ZSCAN29: variants seen among roughly 807,000 people sequenced by gnomAD.
The protein encoded by ZSCAN29 is zinc finger and SCAN domain containing 29, also known as zinc finger and SCAN domain-containing protein 29.
ZSCAN29 carries 55 observed loss-of-function variants against 71.9 expected under a neutral mutation model. The ratio of observed to expected loss-of-function variants is 0.76; its 90% CI spans 0.62 to 0.96. The LOEUF is 0.96. Among genes scored for constraint, ZSCAN29 ranks in the 40% least tolerant of loss-of-function variants. The pLI is 0.00. For synonymous variants in ZSCAN29, 351 were observed against 371.6 expected, an observed-to-expected ratio of 0.94 and a Z score of 0.64; for missense variants, 1,042 against 1,042.2, an observed-to-expected ratio of 1.00 and a Z score of 0.00.
At position 43,359,143 on chromosome 15, in the gene ZSCAN29, C is replaced by T. The variant is rs2043958675; in HGVS notation, c.*1930G>A. ...TCCCTCCTTTGACCACTTCCTGCTT[C>T]ATGAAGCCTTCCTGAATAAAGAGAA... is the stretch of plus-strand genomic sequence containing the variant. On this transcript the variant is annotated 3_prime_UTR_variant, in exon 6 of 6. Transcript: ENST00000684362. 6.6e-6 allele frequency: 1 copy of T among 152,220 alleles called. No individual in the cohort carries two copies. Among genetic ancestry groups the T allele is most frequent in the African/African-American group, 2.4e-5 (1 of 41,450 alleles). 9.4% of individuals were successfully genotyped at this position (152,220 alleles called of 1,614,324 possible).
chr15:43,364,241 A>C lies in ZSCAN29; in HGVS notation c.1364T>G (p.Leu455Arg), dbSNP rs1297240432. 1 of 1,614,214 alleles carries C rather than the reference A, an allele frequency of 6.2e-7. No individual in the cohort carries two copies. The highest frequency in any genetic ancestry group is 1.1e-5 in the South Asian group (1 of 91,090). ...GGTCCGACACTGTTCTGGGGTCCTAAGAAAGCCATATTCCCATAACCTCTC... is the reference window on the plus strand; with the variant it reads ...GGTCCGACACTGTTCTGGGGTCCTACGAAAGCCATATTCCCATAACCTCTC... ...VAERLWEYGF[L>R]RTPEQCRTKF... The change falls in exon 5 of 6, where the codon CTT becomes CGT. Residue 455 changes from leucine (L) to arginine (R), a missense_variant. Physicochemically the swap from Leu to Arg is moderately radical, Grantham distance 102 (BLOSUM62 -2). Transcript: ENST00000684362.
rs1430079100 is a variant in ZSCAN29, at chr15:43,371,035, A to C, written c.-590T>G. The C allele has an allele frequency of 4.6e-6, 2 of 434,032 alleles. No individual in the cohort carries two copies. Among genetic ancestry groups the C allele is most frequent in the Non-Finnish European group, 8.7e-6 (2 of 230,472 alleles). 26.9% of individuals were successfully genotyped at this position (434,032 alleles called of 1,614,324 possible). A position where few individuals can be genotyped will look rare whatever the true frequency, so the allele number is the denominator to read the frequency against. ...CCAGCCTCCCAAGTACAGCTCCCAA[A>C]CCGGAAGTCCGAGCGGGCGGCTCGG... On this transcript the variant is annotated 5_prime_UTR_variant, in exon 1 of 6. Transcript: ENST00000684362.
chr15:43,366,649 C>T lies in ZSCAN29; in HGVS notation c.683G>A (p.Arg228Lys), dbSNP rs879099839. The T allele has an allele frequency of 1.2e-6, 2 of 1,614,128 alleles. No individual in the cohort carries two copies. Among genetic ancestry groups the T allele is most frequent in the African/African-American group, 1.3e-5 (1 of 74,938 alleles). Reference protein sequence around the residue: ...ADLLPSKKDRRSWVEQDHWSF... With the variant: ...ADLLPSKKDRKSWVEQDHWSF... Reference sequence around the variant, plus strand: ...CCAGTGATCCTGTTCCACCCAGCTTCTTCTATCTTTCTTGGATGGTAACAG... The same window carrying T: ...CCAGTGATCCTGTTCCACCCAGCTTTTTCTATCTTTCTTGGATGGTAACAG... Residue 228 changes from arginine (R) to lysine (K), a missense_variant, in exon 4 of 6, where the codon AGA becomes AAA. Transcript: ENST00000684362.
At chr15:43,362,670 C>G (rs953984254) in intron 5 of ZSCAN29, among the ~76,000 whole-genome samples, 1 of 152,068 alleles carries the variant, frequency 6.6e-6, no homozygotes, top group African/African-American at 2.4e-5. Context: ...ACCCAGAAGC[C>G]TAGTCTTATG....
chr15:43,366,685 A>C lies in ZSCAN29; in HGVS notation c.647T>G (p.Val216Gly), dbSNP rs1342502555. 6.2e-7 allele frequency: 1 copy of C among 1,614,018 alleles called. No homozygotes were observed. Among genetic ancestry groups the C allele is most frequent in the South Asian group, 1.1e-5 (1 of 91,072 alleles). The change falls in exon 4 of 6, where the codon GTG becomes GGG. Residue 216 changes from valine to glycine, a missense_variant. Transcript: ENST00000684362. ...PSGSHIGDRRVHADLLPSKKD... is the reference protein window; with the variant it reads ...PSGSHIGDRRGHADLLPSKKD... ...CTTGGATGGTAACAGATCAGCATGC[A>C]CTCGTCTGTCTCCTATGTGGCTGCC...
chr15:43,364,892 CAAAAAAAAAA>C (rs57976198), intron 4 of ZSCAN29, among the ~76,000 whole-genome samples: 1 of 38,940 alleles, frequency 2.6e-5, no homozygotes, highest in Non-Finnish European at 5.4e-5. Flanking sequence ...GACTCTGTCT[CAAAAAAAAAA>C]AAAAAAAAAA....
rs1216393621 is a variant in ZSCAN29 at position 43,369,601 on chromosome 15, A to T, written c.313T>A (p.Ser105Thr). The T allele has an allele frequency of 6.2e-7, 1 of 1,611,720 alleles. No individual in the cohort carries two copies. Among genetic ancestry groups the T allele is most frequent in the Non-Finnish European group, 8.5e-7 (1 of 1,178,336 alleles). Residue 105 changes from serine to threonine, a missense_variant, in exon 2 of 6, where the codon TCT (serine) becomes ACT (threonine). By Grantham distance (58) the Ser-to-Thr change is moderately conservative. Transcript: ENST00000684362. Reference protein sequence around the residue: ...DLEREPGRPRSSVTVSVKGQE... With the variant: ...DLEREPGRPRTSVTVSVKGQE... ...AATTCCCCCTCCCTTCTCACCGAAG[A>T]TCTAGGTCTTCCAGGCTCTCTTTCT...
At chr15:43,365,883 G>A (rs2044031210) in intron 4 of ZSCAN29, among the ~76,000 whole-genome samples, 1 of 152,112 alleles carries the variant, frequency 6.6e-6, no homozygotes, top group Non-Finnish European at 1.5e-5. Context: ...CTCCTTCTCA[G>A]GACTGTGAAT....
Position 43,359,704 on chromosome 15 carries a change from T to G in ZSCAN29, c.*1369A>C, listed in dbSNP as rs1460653964. Reference sequence around the variant, plus strand: ...TGCTCTACCTGTCACCACATGCAGCTGCGTTGCTCTGTGGAACTTCTGGAC... The same window carrying G: ...TGCTCTACCTGTCACCACATGCAGCGGCGTTGCTCTGTGGAACTTCTGGAC... On this transcript the variant is annotated 3_prime_UTR_variant, in exon 6 of 6. Coordinates refer to ENST00000684362, the MANE Select transcript of ZSCAN29 (RefSeq NM_001372080.1). The G allele has an allele frequency of 6.6e-6, 1 of 152,254 alleles. No homozygotes were observed. The highest frequency in any genetic ancestry group is 2.4e-5 in the African/African-American group (1 of 41,470). 9.4% of individuals were successfully genotyped at this position (152,254 alleles called of 1,614,324 possible). A position where few individuals can be genotyped will look rare whatever the true frequency, so the allele number is the denominator to read the frequency against.
rs749200711 is a variant in ZSCAN29, at chr15:43,369,709, C to T, written c.205G>A (p.Val69Ile). ...CAATTCTGGATCTCCCCAGGTAAGA[C>T]GGTCAGGAACTGCTCTAGCACCAAC... ...ELLVLEQFLT[V>I]LPGEIQNWVQ... Residue 69 changes from valine to isoleucine, a missense_variant, in exon 2 of 6, where the codon GTC becomes ATC. Val to Ile is a conservative substitution (Grantham distance 29, BLOSUM62 3). Transcript: ENST00000684362. 4 of 1,614,248 alleles carry T rather than the reference C, an allele frequency of 2.5e-6. No homozygotes were observed. Among genetic ancestry groups the T allele is most frequent in the Admixed American group, 1.7e-5 (1 of 60,028 alleles).
Position 43,361,869 on chromosome 15 carries a change from G to A in ZSCAN29, c.1763C>T (p.Thr588Ile). 1 of 1,614,142 alleles carries A rather than the reference G, an allele frequency of 6.2e-7. No homozygotes were observed. The highest frequency in any genetic ancestry group is 8.5e-7 in the Non-Finnish European group (1 of 1,180,014). The stretch of plus-strand genomic sequence containing the variant: ...TTTCCTTTCAGATCTTGCAAGTAAT[G>A]TCCTATGCAGTTGTACTTCCTCAGA... ...DISEEVQLHR[T>I]LLARSERKIP... Residue 588 changes from threonine to isoleucine, a missense_variant, in exon 6 of 6, where the codon ACA becomes ATA. Physicochemically the swap from Thr to Ile is moderately conservative, Grantham distance 89 (BLOSUM62 -1). Coordinates refer to ENST00000684362, the MANE Select transcript of ZSCAN29 (RefSeq NM_001372080.1).
Position 43,369,689 on chromosome 15 carries a change from C to G in ZSCAN29, c.225G>C (p.Gln75His). The part of the protein sequence containing the change: ...QFLTVLPGEI[Q>H]NWVQEQCPEN... ...CTGGACATTGTTCCTGTACCCAATT[C>G]TGGATCTCCCCAGGTAAGACGGTCA... is the stretch of plus-strand genomic sequence containing the variant. Residue 75 changes from glutamine (Q) to histidine (H), a missense_variant, in exon 2 of 6, where the codon CAG becomes CAC. Coordinates refer to ENST00000684362, the MANE Select transcript of ZSCAN29 (RefSeq NM_001372080.1). The G allele has an allele frequency of 6.2e-7, 1 of 1,614,236 alleles. No individual in the cohort carries two copies. Among genetic ancestry groups the G allele is most frequent in the Non-Finnish European group, 8.5e-7 (1 of 1,180,044 alleles).
rs762562282 is a variant in ZSCAN29, at chr15:43,364,715, GTC to G, written c.1223-335_1223-334del. Among the ~76,000 whole-genome samples, 8 of 151,928 alleles carry G rather than the reference GTC, an allele frequency of 5.3e-5. No individual in the cohort carries two copies. In the East Asian group the frequency reaches 5.8e-4, roughly 11 times the overall value. The stretch of plus-strand genomic sequence containing the variant: ...AGCCTGGACAACATGGTGAAAGCCT[GTC>G]TCTACTAAAAACACAGAAAAATTAG... On this transcript the variant is annotated intron_variant, in intron 4 of 5. Transcript: ENST00000684362.
In ZSCAN29 at chr15:43,370,765, C is replaced by A. The variant is rs2142744135; in HGVS notation, c.-320G>T. 6.5e-6 allele frequency: 1 copy of A among 153,320 alleles called. No individual in the cohort carries two copies. The highest frequency in any genetic ancestry group is 1.5e-5 in the Non-Finnish European group (1 of 68,724). The allele number at this position is 153,320 out of a possible 1,614,324, so 9.5% of individuals were successfully genotyped here. A position where few individuals can be genotyped will look rare whatever the true frequency, so the allele number is the denominator to read the frequency against. Reference sequence around the variant, plus strand: ...GAGCTCTCAGCCCAAGGAGCAGCGGCTGCGGGATTCTGGCCTCTTTTGTCT... The same window carrying A: ...GAGCTCTCAGCCCAAGGAGCAGCGGATGCGGGATTCTGGCCTCTTTTGTCT... On this transcript the variant is annotated 5_prime_UTR_variant, in exon 1 of 6. Coordinates refer to ENST00000684362, the MANE Select transcript of ZSCAN29 (RefSeq NM_001372080.1).
Position 43,369,967 on chromosome 15 carries a change from A to C in ZSCAN29, c.-54T>G. 6.6e-7 allele frequency: 1 copy of C among 1,515,086 alleles called. No homozygotes were observed. Among genetic ancestry groups the C allele is most frequent in the Non-Finnish European group, 8.9e-7 (1 of 1,128,798 alleles). The allele number at this position is 1,515,086 out of a possible 1,614,324, so 93.9% of individuals were successfully genotyped here. A position where few individuals can be genotyped will look rare whatever the true frequency, so the allele number is the denominator to read the frequency against. On this transcript the variant is annotated 5_prime_UTR_variant, in exon 2 of 6. The change abolishes an upstream ATG in the 5' untranslated region. Coordinates refer to ENST00000684362, the MANE Select transcript of ZSCAN29 (RefSeq NM_001372080.1). ...TAGGAGTCTGGGTTCCAGGGCTTAC[A>C]TCTATCTTCCCATGTCCTTGGAGAA... is the stretch of plus-strand genomic sequence containing the variant.
chr15:43,361,539 C>T lies in ZSCAN29; in HGVS notation c.2093G>A (p.Arg698Lys), dbSNP rs746167303. The T allele has an allele frequency of 6.2e-7, 1 of 1,613,974 alleles. No individual in the cohort carries two copies. ...ATAAGGTTTCTCTCCAGTGTGGATT[C>T]TCCGGTGTCTAATGAGTCGTGCACT... ...SRSARLIRHR[R>K]IHTGEKPYKC... The change falls in exon 6 of 6, where the codon AGA becomes AAA. Residue 698 changes from arginine to lysine, a missense_variant. Transcript: ENST00000684362.
Position 43,366,309 on chromosome 15 carries a change from A to G in ZSCAN29, c.1023T>C (p.Asn341=). The G allele has an allele frequency of 6.2e-7, 1 of 1,612,924 alleles. No homozygotes were observed. The highest frequency in any genetic ancestry group is 1.3e-5 in the African/African-American group (1 of 74,944). The change falls in exon 4 of 6, where the codon AAT becomes AAC. Residue 341 remains asparagine, a synonymous_variant. Coordinates refer to ENST00000684362, the MANE Select transcript of ZSCAN29 (RefSeq NM_001372080.1). The part of the protein sequence containing the change: ...MSAQVIALPS[N]GLEAAASHSG... ...AGTGAGAGGCTGCTGCTTCCAGGCC[A>G]TTACTGGGCAGGGCAATGACCTGAG...
chr15:43,367,481 C>G (rs1164288745), intron 3 of ZSCAN29, among the ~76,000 whole-genome samples: 1 of 152,146 alleles, frequency 6.6e-6, no homozygotes, highest in Non-Finnish European at 1.5e-5. Context: ...TCCCTCCTAT[C>G]CAATTTTAGC....
chr15:43,367,578 C>T (rs1437477880), intron 3 of ZSCAN29, among the ~76,000 whole-genome samples: 4 of 152,190 alleles, frequency 2.6e-5, no homozygotes, highest in Admixed American at 6.5e-5. Context: ...CAAACCCATA[C>T]GGTACTCACA....
Sources: allele counts gnomAD v4.1 joint callset (sites outside exome capture counted in the v4.1 genomes callset), GRCh38; gene constraint gnomAD v4.1.1; transcripts MANE v1.5; gene names NCBI Gene and HGNC (gene_info 2026-07-23, HGNC 2026-07-21).